The following NUP205 variants were observed in gnomAD, a reference collection of about 807,000 sequenced individuals.
The protein encoded by NUP205 is nuclear pore complex protein Nup205.
NUP205 carries 76 observed loss-of-function variants against 253.8 expected under a neutral mutation model. The observed-to-expected ratio is 0.30, with a 90% CI of 0.25 to 0.36. The LOEUF is 0.36. NUP205 is among the 10% of genes least tolerant of loss of function. NUP205 has a pLI of 1.00. For synonymous variants in NUP205, 832 were observed against 850.1 expected (o/e 0.98, Z 0.37); for missense variants, 2,162 against 2,425.5 (o/e 0.89, Z 2.28).
chr7:135,645,340 T>C, intron 40 of NUP205, 128 bp from the exon 41 acceptor site: 1 of 977,670 alleles, frequency 1.0e-6, no homozygotes, highest in Non-Finnish European at 1.5e-6. Context: ...TGAGACCCTG[T>C]CTGTTAGACT....
At chr7:135,588,123 C>A (rs1191245610) in intron 10 of NUP205, 131 bp downstream of exon 10, 2 of 627,904 alleles carry the variant, frequency 3.2e-6, no homozygotes, top group East Asian at 3.3e-5. Context: ...TAGAGACTTA[C>A]ACTTTTTAAA....
intron 35 of NUP205, among the ~76,000 whole-genome samples, chr7:135,631,014 A>G (rs1794702930): frequency 6.6e-6 from 1 of 152,044 alleles, no homozygotes; most frequent in Admixed American, 6.6e-5. Context: ...CTCACCACCT[A>G]GAAATTACCA....
chr7:135,644,396 G>T (rs1017830903), intron 39 of NUP205, among the ~76,000 whole-genome samples: 1 of 152,204 alleles, frequency 6.6e-6, no homozygotes, highest in Non-Finnish European at 1.5e-5. Context: ...TACGCCTTCT[G>T]TGGAACCCAG....
intron 1 of NUP205, 200 bp downstream of exon 1, chr7:135,558,172 G>T: frequency 1.6e-6 from 1 of 612,448 alleles, no homozygotes; most frequent in South Asian, 1.8e-5. Context: ...CTCGAGTTGG[G>T]GTTTGAGATT....
At chr7:135,637,038 G>C (rs1794822765) in intron 36 of NUP205, among the ~76,000 whole-genome samples, 1 of 152,126 alleles carries the variant, frequency 6.6e-6, no homozygotes. Flanking sequence ...AAGACAGTGT[G>C]TATTATGTAC....
intron 35 of NUP205, among the ~76,000 whole-genome samples, chr7:135,631,676 C>A (rs1420266075): frequency 6.6e-6 from 1 of 151,986 alleles, no homozygotes; most frequent in Non-Finnish European, 1.5e-5. Context: ...AGTTGTGTTC[C>A]CCACCATGGC....
At position 135,611,454 on chromosome 7, in the gene NUP205, G is replaced by A. The variant is rs1043591390; in HGVS notation, c.3196-2705G>A. On this transcript the variant is annotated intron_variant, in intron 22 of 42. Coordinates refer to ENST00000285968, the MANE Select transcript of NUP205 (RefSeq NM_015135.3). Reference sequence around the variant, plus strand: ...TGTTTGTTTATAGAATATCAAAATGGTATCAAAACTGTTTAAAAGGTCAAT... The same window carrying A: ...TGTTTGTTTATAGAATATCAAAATGATATCAAAACTGTTTAAAAGGTCAAT... 4.6e-5 allele frequency among the ~76,000 whole-genome samples: 7 copies of A among 152,164 alleles called. No homozygotes were observed. The South Asian group carries it at 6.2e-4, about 13-fold the overall frequency.
chr7:135,628,237 G>A, intron 34 of NUP205, 126 bp downstream of exon 34: 3 of 829,696 alleles, frequency 3.6e-6, no homozygotes, highest in South Asian at 5.6e-5. Flanking sequence ...GCAGAGCAGG[G>A]TAGAGAAAAG....
chr7:135,603,865 G>A (rs1336504818), intron 18 of NUP205, among the ~76,000 whole-genome samples: 2 of 152,100 alleles, frequency 1.3e-5, no homozygotes, highest in Admixed American at 1.3e-4. Context: ...GAAACTAGGT[G>A]TTTGGAGGAT....
intron 22 of NUP205, among the ~76,000 whole-genome samples, chr7:135,609,320 T>C (rs1229074983): frequency 6.6e-6 from 1 of 150,952 alleles, no homozygotes; most frequent in Non-Finnish European, 1.5e-5. Flanking sequence ...CTACTAAAAA[T>C]ACAAAAAATT....
intron 35 of NUP205, 117 bp downstream of exon 35, chr7:135,630,587 C>A: frequency 1.3e-6 from 1 of 748,664 alleles, no homozygotes; most frequent in Non-Finnish European, 2.0e-6. Flanking sequence ...ATTGGTACTG[C>A]TAACAGAGCC....
intron 36 of NUP205, among the ~76,000 whole-genome samples, chr7:135,637,163 A>G (rs1282365023): frequency 6.6e-6 from 1 of 152,248 alleles, no homozygotes; most frequent in African/African-American, 2.4e-5. Context: ...CACTTTAAAT[A>G]TAATACCATG....
At chr7:135,611,151 G>A (rs560257860) in intron 22 of NUP205, among the ~76,000 whole-genome samples, 8 of 151,876 alleles carry the variant, frequency 5.3e-5, no homozygotes, top group African/African-American at 1.4e-4. Flanking sequence ...GATTACAGGC[G>A]TCCCTGGGCC....
chr7:135,601,931 T>C (rs908382913), intron 17 of NUP205, among the ~76,000 whole-genome samples: 1 of 152,256 alleles, frequency 6.6e-6, no homozygotes, highest in Admixed American at 6.5e-5. Flanking sequence ...TGTATTTGGC[T>C]CTTTTAAAAG....
chr7:135,590,692 C>T (rs928538692), intron 10 of NUP205, among the ~76,000 whole-genome samples: 2 of 151,856 alleles, frequency 1.3e-5, no homozygotes, highest in African/African-American at 4.8e-5. Flanking sequence ...GCCACCACAC[C>T]CAGCTAATTT....
chr7:135,612,009 A>T (rs1794250957), intron 22 of NUP205, among the ~76,000 whole-genome samples: 2 of 152,064 alleles, frequency 1.3e-5, no homozygotes, highest in South Asian at 4.2e-4. Context: ...AGTCCCAGCT[A>T]CTCAGGAGGC....
intron 18 of NUP205, among the ~76,000 whole-genome samples, chr7:135,603,843 G>T (rs1241441910): frequency 6.6e-6 from 1 of 152,112 alleles, no homozygotes; most frequent in Non-Finnish European, 1.5e-5. Flanking sequence ...AATATTGTCT[G>T]TCTCCTGTAG....
At position 135,571,188 on chromosome 7, in the gene NUP205, CT is replaced by C; in HGVS notation, c.114del (p.Asp40IlefsTer4). On this transcript the variant is annotated frameshift_variant, in exon 2 of 43. Transcript: ENST00000285968. LOFTEE classifies it high-confidence loss of function. ...GAGAAGACAACCTGAAGCTGTTCAC[CT>C]TCTTGATAAGATTTTGAAGAAACAC... is the stretch of plus-strand genomic sequence containing the variant. Reference protein sequence around the residue: ...LWRRQPEAVHLLDKILKKHKP... With the variant: ...LWRRQPEAVHXLDKILKKHKP... 1 of 1,489,608 alleles carries C rather than the reference CT, an allele frequency of 6.7e-7. No homozygotes were observed. The highest frequency in any genetic ancestry group is 2.1e-5 in the Admixed American group (1 of 48,346). The allele number at this position is 1,489,608 out of a possible 1,614,324, so 92.3% of individuals were successfully genotyped here.
At chr7:135,590,029 G>A (rs1233132572) in intron 10 of NUP205, among the ~76,000 whole-genome samples, 1 of 151,202 alleles carries the variant, frequency 6.6e-6, no homozygotes, top group Non-Finnish European at 1.5e-5. Flanking sequence ...TTATTATAAG[G>A]AATGCCCCAC....
Sources: gnomAD v4.1 joint callset for allele counts (sites outside exome capture counted in the v4.1 genomes callset) on GRCh38, gnomAD v4.1.1 for gene constraint, MANE v1.5 for transcripts, NCBI Gene and HGNC (gene_info 2026-07-23, HGNC 2026-07-21) for gene names.